The following PKNOX2 variants were observed in gnomAD, a reference collection of about 807,000 sequenced individuals.
The protein encoded by PKNOX2 is PBX/knotted 1 homeobox 2.
PKNOX2 carries 14 observed loss-of-function variants against 53.1 expected under a neutral mutation model. The observed-to-expected ratio is 0.26, with a 90% CI of 0.17 to 0.41. The LOEUF is 0.41. Ranked by LOEUF, PKNOX2 falls within the 10% of genes least tolerant of loss-of-function variation. The pLI, the probability that PKNOX2 is intolerant of heterozygous loss-of-function variation, is 1.00. For missense variants in PKNOX2, 496 were observed against 602.8 expected, an observed-to-expected ratio of 0.82 and a Z score of 1.85; for synonymous variants, 257 against 242.8, an observed-to-expected ratio of 1.06 and a Z score of -0.54.
chr11:125,404,809 C>T (rs1022112586), intron 7 of PKNOX2, among the ~76,000 whole-genome samples: 1 of 152,164 alleles, frequency 6.6e-6, no homozygotes, highest in Non-Finnish European at 1.5e-5. Context: ...GGAAAGACGA[C>T]GCCTGCATTA....
At chr11:125,225,763 T>C (rs1478565602) in intron 1 of PKNOX2, among the ~76,000 whole-genome samples, 1 of 152,220 alleles carries the variant, frequency 6.6e-6, no homozygotes, top group Non-Finnish European at 1.5e-5. Context: ...AGTCACACAG[T>C]TGAAAATTTC....
At chr11:125,347,757 A>G (rs953677895) in intron 3 of PKNOX2, among the ~76,000 whole-genome samples, 4 of 152,218 alleles carry the variant, frequency 2.6e-5, no homozygotes, top group South Asian at 4.1e-4. Context: ...AAGTGTTGCA[A>G]TAGAATTTTT....
intron 1 of PKNOX2, among the ~76,000 whole-genome samples, chr11:125,230,676 C>T (rs1591488781): frequency 2.0e-5 from 3 of 152,306 alleles, no homozygotes; most frequent in South Asian, 4.1e-4. Context: ...GAAAACTTGT[C>T]ATGGGCAGTA....
intron 6 of PKNOX2, among the ~76,000 whole-genome samples, chr11:125,387,952 G>A (rs11220043): frequency 0.067 from 10,126 of 151,562 alleles, 491 homozygotes; most frequent in African/African-American, 0.13. Context: ...CCTATCTCGT[G>A]TGATGGTAAT....
In PKNOX2 at chr11:125,180,741, A is replaced by G. The variant is rs546438992; in HGVS notation, c.-201+15965A>G. ...CCTGGTGTTCTGCTCCTGGGGCCAC[A>G]TGGCCTGAGGGGCTGTAATTTCACT... On this transcript the variant is annotated intron_variant, in intron 1 of 12. Transcript: ENST00000298282. 2.3e-3 allele frequency among the ~76,000 whole-genome samples: 343 copies of G among 152,308 alleles called. 1 individual carries two copies. Among genetic ancestry groups the G allele is most frequent in the African/African-American group, 7.9e-3 (329 of 41,568 alleles).
intron 6 of PKNOX2, among the ~76,000 whole-genome samples, chr11:125,386,416 G>A (rs1953636002): frequency 1.3e-5 from 2 of 152,176 alleles, no homozygotes. Context: ...CACTGAGTTG[G>A]ATGACATCTG....
At chr11:125,311,068 T>C (rs1211946536) in intron 2 of PKNOX2, among the ~76,000 whole-genome samples, 8 of 152,218 alleles carry the variant, frequency 5.3e-5, no homozygotes, top group African/African-American at 1.9e-4. Context: ...TCCAGTTCAC[T>C]CTGGTCTTTG....
Position 125,431,304 on chromosome 11 carries a change from AGGAGGAGGAGCT to A in PKNOX2, c.1342_1353del (p.Leu448_Glu451del). On this transcript the variant is annotated inframe_deletion, in exon 13 of 13. Coordinates refer to ENST00000298282, the MANE Select transcript of PKNOX2 (RefSeq NM_001382323.2). ...GATGAGGATGAGATGGAAGAGGAGG[AGGAGGAGGAGCT>A]GGAGGAGGAGGTCGACGAGCTGCAG... is the stretch of plus-strand genomic sequence containing the variant. 1 of 1,613,468 alleles carries A rather than the reference AGGAGGAGGAGCT, an allele frequency of 6.2e-7. No homozygotes were observed. Among genetic ancestry groups the A allele is most frequent in the South Asian group, 1.1e-5 (1 of 91,024 alleles).
At chr11:125,178,609 G>GA (rs1491232927) in intron 1 of PKNOX2, among the ~76,000 whole-genome samples, 1 of 46,228 alleles carries the variant, frequency 2.2e-5, no homozygotes, top group Admixed American at 2.1e-4. Context: ...AAGGAAGGAA[G>GA]GAAAGAAAGA....
At chr11:125,410,943 C>A in intron 9 of PKNOX2, 67 bp downstream of exon 9, 1 of 1,322,970 alleles carries the variant, frequency 7.6e-7, no homozygotes, top group Non-Finnish European at 1.1e-6. Flanking sequence ...CGCTTCTTAT[C>A]TGCCAGGCAC....
chr11:125,399,738 G>A (rs1035848063), intron 7 of PKNOX2, among the ~76,000 whole-genome samples: 1 of 152,120 alleles, frequency 6.6e-6, no homozygotes, highest in Non-Finnish European at 1.5e-5. Context: ...AGAGGCACTG[G>A]ATTTCCCCTC....
intron 10 of PKNOX2, among the ~76,000 whole-genome samples, chr11:125,427,541 A>T (rs1056830331): frequency 2.6e-5 from 4 of 152,102 alleles, no homozygotes; most frequent in East Asian, 1.9e-4. Flanking sequence ...GAGTATTCGT[A>T]CCTTTTATTG....
intron 10 of PKNOX2, among the ~76,000 whole-genome samples, chr11:125,416,558 C>T (rs1292965665): frequency 6.6e-6 from 1 of 151,898 alleles, no homozygotes; most frequent in Non-Finnish European, 1.5e-5. Context: ...ATTACAGAAA[C>T]GTACATACTT....
At position 125,379,977 on chromosome 11, in the gene PKNOX2, C is replaced by G. The variant is rs561427535; in HGVS notation, c.228-5574C>G. Among the ~76,000 whole-genome samples, 3 of 142,152 alleles carry G rather than the reference C, an allele frequency of 2.1e-5. No individual in the cohort carries two copies. The East Asian group carries it at 6.4e-4, about 30-fold the overall frequency. The allele number at this position is 142,152 out of a possible 152,430, so 93.3% of individuals were successfully genotyped here. On this transcript the variant is annotated intron_variant, in intron 5 of 12. Transcript: ENST00000298282. ...TAAGTTTGATTTTAGTTCAGATGCT[C>G]CTGGGGAGAGGTGATGAGGGTAGGG...
intron 2 of PKNOX2, among the ~76,000 whole-genome samples, chr11:125,237,456 C>T (rs1032722999): frequency 6.6e-6 from 1 of 152,178 alleles, no homozygotes; most frequent in South Asian, 2.1e-4. Flanking sequence ...TATCTTGTTG[C>T]AGTCGTCTTT....
At chr11:125,223,240 T>A (rs1243852706) in intron 1 of PKNOX2, among the ~76,000 whole-genome samples, 1 of 152,028 alleles carries the variant, frequency 6.6e-6, no homozygotes, top group African/African-American at 2.4e-5. Context: ...TAGTCCTTTT[T>A]TTTTTTTGAG....
chr11:125,412,522 A>G (rs769675657), intron 10 of PKNOX2, among the ~76,000 whole-genome samples: 3 of 152,240 alleles, frequency 2.0e-5, no homozygotes, highest in Non-Finnish European at 4.4e-5. Flanking sequence ...TTAGTTGCAA[A>G]AGACGAGCCT....
intron 7 of PKNOX2, among the ~76,000 whole-genome samples, chr11:125,407,989 C>T (rs1955220091): frequency 6.6e-6 from 1 of 152,136 alleles, no homozygotes; most frequent in Non-Finnish European, 1.5e-5. Flanking sequence ...CCAGTGCCCA[C>T]GCTGCTTCTG....
chr11:125,256,116 C>T (rs556385142), intron 2 of PKNOX2, among the ~76,000 whole-genome samples: 42 of 152,058 alleles, frequency 2.8e-4, no homozygotes, highest in Admixed American at 7.9e-4. Context: ...CAGGCTGAAA[C>T]GTCAGGGTGA....
Sources: gnomAD v4.1 joint callset for allele counts (sites outside exome capture counted in the v4.1 genomes callset) on GRCh38, gnomAD v4.1.1 for gene constraint, MANE v1.5 for transcripts, NCBI Gene and HGNC (gene_info 2026-07-23, HGNC 2026-07-21) for gene names.